Variants in IVNS1ABP observed in about 807,000 individuals in gnomAD.
IVNS1ABP encodes influenza virus NS1A-binding protein.
Under a neutral mutation model 78.9 loss-of-function variants are expected in IVNS1ABP, and 25 were observed. The observed-to-expected ratio is 0.32, with a 90% CI of 0.23 to 0.44. The LOEUF (loss-of-function observed/expected upper bound fraction) is 0.44. IVNS1ABP is among the 20% of genes least tolerant of loss of function. The probability of loss-of-function intolerance (pLI) is 1.00; values close to 1 mark genes in which losing one functional copy is unlikely to be tolerated. For missense variants in IVNS1ABP, 494 were observed against 768.9 expected, an observed-to-expected ratio of 0.64 and a Z score of 4.23; for synonymous variants, 241 against 259.7, an observed-to-expected ratio of 0.93 and a Z score of 0.69.
At position 185,298,338 on chromosome 1, in the gene IVNS1ABP, G is replaced by A; in HGVS notation, c.1676-50C>T. 2 of 1,524,262 alleles carry A rather than the reference G, an allele frequency of 1.3e-6. No homozygotes were observed. The highest frequency in any genetic ancestry group is 1.8e-6 in the Non-Finnish European group (2 of 1,115,460). The allele number at this position is 1,524,262 out of a possible 1,614,324, so 94.4% of individuals were successfully genotyped here. A position where few individuals can be genotyped will look rare whatever the true frequency, so the allele number is the denominator to read the frequency against. ...AATCCAGAGATTAAAGTGTAATAAG[G>A]TAAAACTCCCCTAAATCTGTCTTTT... On this transcript the variant is annotated intron_variant, in intron 14 of 14. Coordinates refer to ENST00000367498, the MANE Select transcript of IVNS1ABP (RefSeq NM_006469.5). The surrounding 1 kb of genome is among the most constrained non-coding windows in gnomAD (Gnocchi z 4.1).
intron 8 of IVNS1ABP, among the ~76,000 whole-genome samples, chr1:185,303,343 T>G (rs1665649872): frequency 1.3e-5 from 2 of 152,160 alleles, no homozygotes; most frequent in Admixed American, 1.3e-4. Context: ...TGACAGTGTT[T>G]AGTCCTCCTT....
Position 185,300,048 on chromosome 1 carries a change from T to C in IVNS1ABP, c.1452A>G (p.Val484=), listed in dbSNP as rs540666185. 3.7e-6 allele frequency: 6 copies of C among 1,613,340 alleles called. No homozygotes were observed. The East Asian group carries it at 6.7e-5, about 18-fold the overall frequency. The change falls in exon 13 of 15, where the codon GTA becomes GTG. Residue 484 remains valine (V), a synonymous_variant. Transcript: ENST00000367498. ...TCCACAACTTTGTTACAGGATCAAA[T>C]ACATCACAATTTTTCAGTCCTTTTT... ...YGQKGLKNCD[V]FDPVTKLWTS...
Position 185,297,102 on chromosome 1 carries a change from TTAAAG to T in IVNS1ABP, c.*928_*932del, listed in dbSNP as rs1307593765. 2.0e-5 allele frequency: 3 copies of T among 152,256 alleles called. No homozygotes were observed. The highest frequency in any genetic ancestry group is 4.1e-4 in the South Asian group (2 of 4,820). The allele number at this position is 152,256 out of a possible 1,614,324, so 9.4% of individuals were successfully genotyped here. On this transcript the variant is annotated 3_prime_UTR_variant, in exon 15 of 15. Transcript: ENST00000367498. ...ACCTGCATTCACAACCTAATGTAGTTTAAAGTAAATTTTTTCACAATTGAGGGCTG... is the reference window on the plus strand; with the variant it reads ...ACCTGCATTCACAACCTAATGTAGTTTAAATTTTTTCACAATTGAGGGCTG...
Position 185,297,632 on chromosome 1 carries a change from A to G in IVNS1ABP, c.*403T>C, listed in dbSNP as rs1475818816. On this transcript the variant is annotated 3_prime_UTR_variant, in exon 15 of 15. Coordinates refer to ENST00000367498, the MANE Select transcript of IVNS1ABP (RefSeq NM_006469.5). ...TATAGAGTGTTCCAGTTATTGAAAAAGGGCCCTTAAAAAACCCAACTGTCT... is the reference window on the plus strand; with the variant it reads ...TATAGAGTGTTCCAGTTATTGAAAAGGGGCCCTTAAAAAACCCAACTGTCT... 1.1e-5 allele frequency: 2 copies of G among 175,854 alleles called. No homozygotes were observed. Among genetic ancestry groups the G allele is most frequent in the Non-Finnish European group, 2.4e-5 (2 of 82,392 alleles). The allele number at this position is 175,854 out of a possible 1,614,324, so 10.9% of individuals were successfully genotyped here.
Position 185,316,831 on chromosome 1 carries a change from C to T in IVNS1ABP, c.-247+122G>A, listed in dbSNP as rs1267889677. Reference sequence around the variant, plus strand: ...CGGCGGCCGCTTGGGGCTGCCTCCCCTGATGAGGACACCGCTTCCGCGCCT... The same window carrying T: ...CGGCGGCCGCTTGGGGCTGCCTCCCTTGATGAGGACACCGCTTCCGCGCCT... On this transcript the variant is annotated intron_variant, in intron 1 of 14. Transcript: ENST00000367498. The T allele has an allele frequency of 1.3e-5, 5 of 394,462 alleles. No homozygotes were observed. In the Admixed American group the frequency reaches 1.8e-4, roughly 14 times the overall value. 24.4% of individuals were successfully genotyped at this position (394,462 alleles called of 1,614,324 possible).
Position 185,307,531 on chromosome 1 carries a change from T to C in IVNS1ABP, c.489A>G (p.Gln163=). Residue 163 remains glutamine (Q), a synonymous_variant, in exon 6 of 15, where the codon CAA becomes CAG. Transcript: ENST00000367498. ...VDAYIQEHLL[Q]ISEEEEFLKL... ...TAAGAAACTCCTCCTCTTCAGAAAT[T>C]TGTAACAAATGCTCCTGAATATAAG... is the stretch of plus-strand genomic sequence containing the variant. The C allele has an allele frequency of 3.1e-6, 5 of 1,613,390 alleles. No individual in the cohort carries two copies. Among genetic ancestry groups the C allele is most frequent in the Non-Finnish European group, 4.2e-6 (5 of 1,179,638 alleles).
At chr1:185,312,634 T>C (rs1187919880) in intron 1 of IVNS1ABP, among the ~76,000 whole-genome samples, 12 of 152,190 alleles carry the variant, frequency 7.9e-5, no homozygotes, top group Non-Finnish European at 1.5e-5. Flanking sequence ...TGTGAATGCT[T>C]ACCCTTGCAT....
rs376991838 is a variant in IVNS1ABP at position 185,309,746 on chromosome 1, C to T, written c.-18-235G>A. ...AGGATTCAAACAGTAGCAGCTATCT[C>T]GACAATTTTGGCCAGGTTCCCATGC... is the stretch of plus-strand genomic sequence containing the variant. On this transcript the variant is annotated intron_variant, in intron 2 of 14. Transcript: ENST00000367498. 6.6e-5 allele frequency among the ~76,000 whole-genome samples: 10 copies of T among 152,280 alleles called. No homozygotes were observed. In the East Asian group the frequency reaches 1.7e-3, roughly 26 times the overall value.
intron 8 of IVNS1ABP, among the ~76,000 whole-genome samples, chr1:185,304,630 A>C (rs1461906981): frequency 6.6e-6 from 1 of 152,184 alleles, no homozygotes; most frequent in African/African-American, 2.4e-5. Flanking sequence ...ATAAAAATAT[A>C]TACTATATGA....
chr1:185,316,872 T>G, intron 1 of IVNS1ABP, 81 bp downstream of exon 1: 1 of 395,722 alleles, frequency 2.5e-6, no homozygotes, highest in Non-Finnish European at 4.4e-6. Context: ...CCTCTTCCCA[T>G]CCGCCGGCGC....
intron 6 of IVNS1ABP, 109 bp downstream of exon 6, chr1:185,307,380 A>T (rs1665766237): frequency 2.1e-6 from 2 of 960,788 alleles, no homozygotes; most frequent in Non-Finnish European, 3.1e-6. Context: ...ATAACAATAT[A>T]ATTTCAATGT....
At chr1:185,299,484 ACCC>A (rs1394857918) in intron 14 of IVNS1ABP, 5 of 553,600 alleles carry the variant, frequency 9.0e-6, no homozygotes, top group Non-Finnish European at 1.3e-5. Flanking sequence ...CACTCAGTGC[ACCC>A]ATCAAAAGAC....
Position 185,298,008 on chromosome 1 carries a change from TGTTA to T in IVNS1ABP, c.*23_*26del. The T allele has an allele frequency of 1.9e-6, 3 of 1,606,816 alleles. No homozygotes were observed. The South Asian group carries it at 3.3e-5, about 18-fold the overall frequency. ...CTAACCATAATTACATCACTAAGCC[TGTTA>T]GTTTGAGAGGGTCTTAAATTTGTTA... On this transcript the variant is annotated 3_prime_UTR_variant, in exon 15 of 15. Transcript: ENST00000367498. The surrounding 1 kb of genome is among the most constrained non-coding windows in gnomAD (Gnocchi z 4.1).
chr1:185,310,955 AT>A (rs1665871738), intron 2 of IVNS1ABP, 139 bp downstream of exon 2: 2 of 199,912 alleles, frequency 1.0e-5, no homozygotes, highest in East Asian at 2.2e-4. Flanking sequence ...GAAAAGAAAA[AT>A]ATGATGTTTT....
chr1:185,303,822 G>T (rs576948922), intron 8 of IVNS1ABP, among the ~76,000 whole-genome samples: 335 of 152,142 alleles, frequency 2.2e-3, no homozygotes, highest in African/African-American at 7.7e-3. Context: ...AATAAAACCA[G>T]AAATCAGTTG....
chr1:185,301,579 G>C lies in IVNS1ABP; in HGVS notation c.766-16C>G. ...GTGGCTTTTTCTGCAAAATCAAAAG[G>C]TAGCTACAGAAACCTAGCCAAAGAC... is the stretch of plus-strand genomic sequence containing the variant. On this transcript the variant is annotated splice_polypyrimidine_tract_variant and intron_variant, in intron 8 of 14. Transcript: ENST00000367498. 1 of 1,612,256 alleles carries C rather than the reference G, an allele frequency of 6.2e-7. No individual in the cohort carries two copies.
rs774410739 is a variant in IVNS1ABP, at chr1:185,297,987, C to G, written c.*48G>C. The G allele has an allele frequency of 2.8e-5, 45 of 1,583,664 alleles. 2 individuals are homozygous for G. In the South Asian group the frequency reaches 5.2e-4, roughly 18 times the overall value. ...TTATTCACAAGTGTACCTCTACTAACCATAATTACATCACTAAGCCTGTTA... is the reference window on the plus strand; with the variant it reads ...TTATTCACAAGTGTACCTCTACTAAGCATAATTACATCACTAAGCCTGTTA... On this transcript the variant is annotated 3_prime_UTR_variant, in exon 15 of 15. Coordinates refer to ENST00000367498, the MANE Select transcript of IVNS1ABP (RefSeq NM_006469.5).
chr1:185,312,209 A>G (rs1351950456), intron 1 of IVNS1ABP, among the ~76,000 whole-genome samples: 2 of 152,188 alleles, frequency 1.3e-5, no homozygotes, highest in Non-Finnish European at 2.9e-5. Context: ...ATTCTGGTTC[A>G]AACCTAATCT....
chr1:185,306,392 G>T, intron 7 of IVNS1ABP: 2 of 1,052,656 alleles, frequency 1.9e-6, no homozygotes, highest in South Asian at 1.5e-5. Flanking sequence ...TTTTTTAAAA[G>T]TAGCCCAAGT....
Sources: gnomAD v4.1 joint callset for allele counts (sites outside exome capture counted in the v4.1 genomes callset) on GRCh38, gnomAD v4.1.1 for gene constraint, Gnocchi (gnomAD v3.1) non-coding constraint, MANE v1.5 for transcripts, NCBI Gene and HGNC (gene_info 2026-07-23, HGNC 2026-07-21) for gene names.